NFIA: variants seen among roughly 807,000 people sequenced by gnomAD.
NFIA encodes nuclear factor I A.
Under a neutral mutation model 62.8 loss-of-function variants are expected in NFIA, and 8 were observed. The observed-to-expected ratio is 0.13, with a 90% CI of 0.07 to 0.23. NFIA has a LOEUF of 0.23. Ranked by LOEUF, NFIA falls within the 10% of genes least tolerant of loss-of-function variation. NFIA has a pLI of 1.00. For synonymous variants in NFIA, 235 were observed against 238.1 expected (o/e 0.99, Z 0.12); for missense variants, 410 against 642.1 (o/e 0.64, Z 3.91).
chr1:61,431,233 G>GA (rs1227257836), intron 10 of NFIA, among the ~76,000 whole-genome samples: 2 of 151,668 alleles, frequency 1.3e-5, no homozygotes, highest in African/African-American at 2.4e-5. Flanking sequence ...TTTACTTAAA[G>GA]AAAAAAAAGT....
intron 3 of NFIA, among the ~76,000 whole-genome samples, chr1:61,306,806 C>A (rs1185143039): frequency 6.6e-6 from 1 of 152,166 alleles, no homozygotes; most frequent in Non-Finnish European, 1.5e-5. Context: ...TCTATAGGAA[C>A]AGCAAATCCA....
chr1:61,454,341 G>A (rs953370380), intron 10 of NFIA, among the ~76,000 whole-genome samples: 1 of 152,160 alleles, frequency 6.6e-6, no homozygotes, highest in Admixed American at 6.5e-5. Context: ...TGCTCATTCT[G>A]TCTAGCTAAC....
At chr1:61,324,463 G>C (rs916833926) in intron 3 of NFIA, among the ~76,000 whole-genome samples, 6 of 152,180 alleles carry the variant, frequency 3.9e-5, no homozygotes, top group African/African-American at 1.2e-4. Context: ...TTAACCAGAC[G>C]AGATTTGATC....
Position 61,298,040 on chromosome 1 carries a change from T to C in NFIA, c.625+20455T>C, listed in dbSNP as rs537703454. 2.6e-5 allele frequency among the ~76,000 whole-genome samples: 4 copies of C among 152,190 alleles called. No homozygotes were observed. The East Asian group carries it at 7.7e-4, about 29-fold the overall frequency. ...TTTTGTATAACTGATACGGTTTGGC[T>C]CTGTGTCCCCACCCAAATCTCATCT... On this transcript the variant is annotated intron_variant, in intron 3 of 10. Transcript: ENST00000403491.
intron 7 of NFIA, among the ~76,000 whole-genome samples, chr1:61,392,400 A>T (rs1269186793): frequency 6.6e-6 from 1 of 152,106 alleles, no homozygotes; most frequent in Non-Finnish European, 1.5e-5. Flanking sequence ...CCTTTATTGT[A>T]TTGTAAAGAG....
At chr1:61,256,701 C>A (rs1656419875) in intron 2 of NFIA, among the ~76,000 whole-genome samples, 1 of 152,096 alleles carries the variant, frequency 6.6e-6, no homozygotes, top group African/African-American at 2.4e-5. Flanking sequence ...GGTTTGTGTG[C>A]TTGTATGTTG....
At chr1:61,174,973 T>C (rs1018519427) in intron 2 of NFIA, among the ~76,000 whole-genome samples, 2 of 152,098 alleles carry the variant, frequency 1.3e-5, no homozygotes, top group African/African-American at 2.4e-5. Flanking sequence ...TGCTTAGATT[T>C]TGGTATTCTT....
chr1:61,233,211 T>C (rs1227638876), intron 2 of NFIA, among the ~76,000 whole-genome samples: 2 of 152,214 alleles, frequency 1.3e-5, no homozygotes, highest in Non-Finnish European at 2.9e-5. Context: ...GAAAAAATCT[T>C]ATACAGAAAT....
chr1:61,202,442 A>G (rs183523397), intron 2 of NFIA, among the ~76,000 whole-genome samples: 170 of 152,332 alleles, frequency 1.1e-3, no homozygotes, highest in Non-Finnish European at 2.1e-3. Flanking sequence ...TATGATCCTC[A>G]CAAGGTACAT....
upstream of NFIA, chr1:61,082,084 G>C (rs1646104325): frequency 6.5e-7 from 1 of 1,527,010 alleles, no homozygotes; most frequent in Non-Finnish European, 8.8e-7. Flanking sequence ...GGGGGATGGG[G>C]ACGAGGAAAA....
intron 3 of NFIA, among the ~76,000 whole-genome samples, chr1:61,330,443 C>CCCCCACACA (rs554691317): frequency 2.2e-5 from 2 of 90,732 alleles, no homozygotes; most frequent in African/African-American, 6.3e-5. Context: ...TACACCCCCC[C>CCCCCACACA]CACACACACA....
At chr1:61,081,830 C>CG, upstream of NFIA, 1 of 1,498,770 alleles carries the variant, frequency 6.7e-7, no homozygotes, top group Non-Finnish European at 8.9e-7. Context: ...GCCGACGAAT[C>CG]TATTCCCACA....
At chr1:61,205,651 A>C (rs574478873) in intron 2 of NFIA, among the ~76,000 whole-genome samples, 1 of 152,134 alleles carries the variant, frequency 6.6e-6, no homozygotes, top group Non-Finnish European at 1.5e-5. Context: ...CTAGGCATAA[A>C]TATGTTAAAA....
intron 2 of NFIA, among the ~76,000 whole-genome samples, chr1:61,122,418 T>G (rs1307444722): frequency 6.6e-6 from 1 of 152,212 alleles, no homozygotes; most frequent in Non-Finnish European, 1.5e-5. Context: ...TCCCAGAGTT[T>G]GCACGGTGTT....
chr1:61,133,321 A>C (rs780101285), intron 2 of NFIA, among the ~76,000 whole-genome samples: 17 of 151,912 alleles, frequency 1.1e-4, no homozygotes, highest in Non-Finnish European at 2.1e-4. Context: ...AAAAATAATA[A>C]ATATTTATAT....
chr1:61,154,932 G>A (rs1832184), intron 2 of NFIA, among the ~76,000 whole-genome samples: 3,077 of 152,338 alleles, frequency 0.02, 66 homozygotes, highest in East Asian at 0.092. Context: ...AACAGGAAGA[G>A]ATAGTGTCTA....
chr1:61,098,036 G>A (rs555166700), intron 2 of NFIA, among the ~76,000 whole-genome samples: 1 of 152,328 alleles, frequency 6.6e-6, no homozygotes, highest in East Asian at 1.9e-4. Context: ...AAATGAATGA[G>A]GGATGGAGAT....
chr1:61,171,043 G>C (rs1336799857), intron 2 of NFIA, among the ~76,000 whole-genome samples: 1 of 152,154 alleles, frequency 6.6e-6, no homozygotes, highest in Non-Finnish European at 1.5e-5. Context: ...ATGTAGGCAT[G>C]CCTACACGGC....
intron 2 of NFIA, among the ~76,000 whole-genome samples, chr1:61,152,319 T>C (rs1213638642): frequency 2.0e-5 from 3 of 152,174 alleles, no homozygotes; most frequent in Non-Finnish European, 4.4e-5. Flanking sequence ...ATTCACTGCC[T>C]GAAATCCTTG....
Sources: gnomAD v4.1 joint callset for allele counts (sites outside exome capture counted in the v4.1 genomes callset) on GRCh38, gnomAD v4.1.1 for gene constraint, MANE v1.5 for transcripts, NCBI Gene and HGNC (gene_info 2026-07-23, HGNC 2026-07-21) for gene names.